TRAF3IP1: variants seen among roughly 807,000 people sequenced by gnomAD.
TRAF3IP1 encodes TRAF3-interacting protein 1.
Under a neutral mutation model 89.9 loss-of-function variants are expected in TRAF3IP1, and 53 were observed. That is an observed-to-expected ratio of 0.59 (90% confidence interval 0.47 to 0.74). The LOEUF (loss-of-function observed/expected upper bound fraction) is 0.74. TRAF3IP1 is among the 30% of genes least tolerant of loss of function. The pLI is 0.00. For missense variants in TRAF3IP1, 806 were observed against 866.1 expected, an observed-to-expected ratio of 0.93 and a Z score of 0.87; for synonymous variants, 311 against 322.1, an observed-to-expected ratio of 0.97 and a Z score of 0.37.
At chr2:238,334,066 A>G in intron 7 of TRAF3IP1, 31 bp downstream of exon 7, 1 of 1,489,706 alleles carries the variant, frequency 6.7e-7, no homozygotes, top group East Asian at 2.3e-5. Context: ...GTAGCTGAAA[A>G]TATGGATATT....
rs192248594 is a variant in TRAF3IP1, at chr2:238,334,919, T to C, written c.1063+884T>C. ...CTTCACCCCACACCTTCTCCAGTGT[T>C]GTTAAGGCATGCTGATTTTGATGGA... is the stretch of plus-strand genomic sequence containing the variant. On this transcript the variant is annotated intron_variant, in intron 7 of 16. Transcript: ENST00000373327. Among the ~76,000 whole-genome samples the C allele has an allele frequency of 2.4e-3, 365 of 152,282 alleles. 1 individual carries two copies. Among genetic ancestry groups the C allele is most frequent in the Non-Finnish European group, 3.7e-3 (252 of 68,018 alleles).
chr2:238,392,795 C>T (rs1171148460), intron 15 of TRAF3IP1, among the ~76,000 whole-genome samples: 3 of 152,184 alleles, frequency 2.0e-5, no homozygotes, highest in East Asian at 1.9e-4. Context: ...AGGCTGGTCT[C>T]GAACTCCTGA....
intron 15 of TRAF3IP1, among the ~76,000 whole-genome samples, chr2:238,372,240 C>T (rs1023704391): frequency 6.6e-6 from 1 of 152,144 alleles, no homozygotes; most frequent in African/African-American, 2.4e-5. Context: ...ATCAACTCGT[C>T]ATTTACATTA....
intron 3 of TRAF3IP1, among the ~76,000 whole-genome samples, chr2:238,326,277 C>A (rs1403849389): frequency 1.3e-5 from 2 of 152,242 alleles, no homozygotes; most frequent in Admixed American, 6.5e-5. Context: ...CCCAGGCTTC[C>A]ATGCCCTCTG....
At chr2:238,332,748 G>A (rs1383158671) in intron 5 of TRAF3IP1, 76 bp from the exon 6 acceptor site, 1 of 1,135,930 alleles carries the variant, frequency 8.8e-7, no homozygotes, top group South Asian at 1.3e-5. Flanking sequence ...CAGTGTTATA[G>A]AAAATATCTT....
rs1574987766 is a variant in TRAF3IP1, at chr2:238,398,981, A to T, written c.*62A>T. 13 of 1,427,782 alleles carry T rather than the reference A, an allele frequency of 9.1e-6. No individual in the cohort carries two copies. The highest frequency in any genetic ancestry group is 1.1e-5 in the Non-Finnish European group (12 of 1,051,840). The allele number at this position is 1,427,782 out of a possible 1,614,324, so 88.4% of individuals were successfully genotyped here. On this transcript the variant is annotated 3_prime_UTR_variant, in exon 17 of 17. Coordinates refer to ENST00000373327, the MANE Select transcript of TRAF3IP1 (RefSeq NM_015650.4). ...TTTAAAAGCAAAAAGGAAGATAGAAAATCATTACTCTTTTAAGTTCCAGTT... is the reference window on the plus strand; with the variant it reads ...TTTAAAAGCAAAAAGGAAGATAGAATATCATTACTCTTTTAAGTTCCAGTT...
At chr2:238,347,653 GT>G (rs1304782298) in intron 10 of TRAF3IP1, among the ~76,000 whole-genome samples, 178 bp downstream of exon 10, 1 of 152,022 alleles carries the variant, frequency 6.6e-6, no homozygotes, top group African/African-American at 2.4e-5. Flanking sequence ...TTGAGATGGA[GT>G]TTCACTCTTG....
intron 9 of TRAF3IP1, 91 bp from the exon 10 acceptor site, chr2:238,347,364 C>T (rs760281895): frequency 1.0e-4 from 138 of 1,342,218 alleles, no homozygotes; most frequent in South Asian, 4.4e-4. Context: ...AAATTATGTA[C>T]AGTGTGTTTT....
In TRAF3IP1 at chr2:238,351,311, C is replaced by G. The variant is rs992335089; in HGVS notation, c.1452-1516C>G. ...CGGGTCCAGGAGGACTGGGTGGGAC[C>G]ATGGGTTGGCAGCTGATGGCAGCAA... On this transcript the variant is annotated intron_variant, in intron 12 of 16. Transcript: ENST00000373327. The surrounding 1 kb of genome is among the most constrained non-coding windows in gnomAD (Gnocchi z 5.2). Among the ~76,000 whole-genome samples the G allele has an allele frequency of 1.3e-5, 2 of 151,814 alleles. No individual in the cohort carries two copies. Among genetic ancestry groups the G allele is most frequent in the Non-Finnish European group, 2.9e-5 (2 of 67,930 alleles).
intron 8 of TRAF3IP1, among the ~76,000 whole-genome samples, chr2:238,342,896 G>A (rs897279654): frequency 1.3e-5 from 2 of 152,186 alleles, no homozygotes; most frequent in African/African-American, 4.8e-5. Context: ...ATGTCAGGTT[G>A]ATTCTGATGT....
intron 15 of TRAF3IP1, among the ~76,000 whole-genome samples, chr2:238,362,484 A>G (rs1699704114): frequency 6.6e-6 from 1 of 152,034 alleles, no homozygotes; most frequent in Non-Finnish European, 1.5e-5. Flanking sequence ...TCATTCCTCC[A>G]CAGCATGATG....
In TRAF3IP1 at chr2:238,379,044, G is replaced by T. The variant is rs781055729; in HGVS notation, c.1690-18415G>T. On this transcript the variant is annotated intron_variant, in intron 15 of 16. Coordinates refer to ENST00000373327, the MANE Select transcript of TRAF3IP1 (RefSeq NM_015650.4). The surrounding 1 kb of genome is among the most constrained non-coding windows in gnomAD (Gnocchi z 4.0). ...CCTCAGGCAGCCTGGCGCTGATGCT[G>T]ATGCAGCCGCCCTGTGTCAGGTGCT... Among the ~76,000 whole-genome samples, 7 of 152,216 alleles carry T rather than the reference G, an allele frequency of 4.6e-5. No individual in the cohort carries two copies. Among genetic ancestry groups the T allele is most frequent in the Non-Finnish European group, 7.3e-5 (5 of 68,036 alleles).
rs1396703217 is a variant in TRAF3IP1, at chr2:238,344,579, C to A, written c.1242C>A (p.Asn414Lys). 6.2e-7 allele frequency: 1 copy of A among 1,614,128 alleles called. No homozygotes were observed. Among genetic ancestry groups the A allele is most frequent in the Non-Finnish European group, 8.5e-7 (1 of 1,179,964 alleles). The stretch of plus-strand genomic sequence containing the variant: ...TGCGGTGTGAGAATATTCAGCCCAA[C>A]CCCACAGAGAAGCAGAAAGGTAAGA... The part of the protein sequence containing the change: ...ASLRCENIQP[N>K]PTEKQKGDST... The change falls in exon 9 of 17, where the codon AAC becomes AAA. Residue 414 changes from asparagine (N) to lysine (K), a missense_variant. Around this residue, in one of 3 missense-constraint regions of TRAF3IP1, gnomAD observed 732 missense variants for 780.5 expected, o/e 0.94. Coordinates refer to ENST00000373327, the MANE Select transcript of TRAF3IP1 (RefSeq NM_015650.4).
chr2:238,348,767 G>A lies in TRAF3IP1; in HGVS notation c.1286G>A (p.Gly429Glu), dbSNP rs1348285148. The A allele has an allele frequency of 1.2e-6, 2 of 1,613,956 alleles. No homozygotes were observed. The highest frequency in any genetic ancestry group is 3.3e-5 in the Admixed American group (2 of 60,014). ...QKGDSTSDAE[G>E]DAGPAGQDKS... is the part of the protein sequence containing the mutation. ...TAATTGATTGTCATTTGTTTAGAAG[G>A]AGATGCTGGACCTGCTGGCCAAGAT... is the stretch of plus-strand genomic sequence containing the variant. Residue 429 changes from glycine (G) to glutamate (E), a missense_variant, in exon 11 of 17, where the codon GGA (glycine) becomes GAA (glutamate). By Grantham distance (98) the Gly-to-Glu change is moderately conservative (BLOSUM62 -2). Coordinates refer to ENST00000373327, the MANE Select transcript of TRAF3IP1 (RefSeq NM_015650.4).
In TRAF3IP1 at chr2:238,322,006, C is replaced by T. The variant is rs139470426; in HGVS notation, c.123+1221C>T. On this transcript the variant is annotated intron_variant, in intron 1 of 16. Coordinates refer to ENST00000373327, the MANE Select transcript of TRAF3IP1 (RefSeq NM_015650.4). ...CTAAAAATGCTCTCGAATCCACCCA[C>T]ATCCCAGGGCCTCGCCAGCCCTGGT... 1.0e-3 allele frequency among the ~76,000 whole-genome samples: 154 copies of T among 152,350 alleles called. 2 individuals are homozygous for T. The highest frequency in any genetic ancestry group is 3.5e-3 in the African/African-American group (145 of 41,580).
In TRAF3IP1 at chr2:238,399,074, A is replaced by T; in HGVS notation, c.*155A>T. ...TTTTCAGAGCTTTAAAACTGTAAGCATGTTAAGTGTATTAAAAAAACCATG... is the reference window on the plus strand; with the variant it reads ...TTTTCAGAGCTTTAAAACTGTAAGCTTGTTAAGTGTATTAAAAAAACCATG... On this transcript the variant is annotated 3_prime_UTR_variant, in exon 17 of 17. Coordinates refer to ENST00000373327, the MANE Select transcript of TRAF3IP1 (RefSeq NM_015650.4). 1 of 655,738 alleles carries T rather than the reference A, an allele frequency of 1.5e-6. No homozygotes were observed. The highest frequency in any genetic ancestry group is 2.4e-6 in the Non-Finnish European group (1 of 410,828). 40.6% of individuals were successfully genotyped at this position (655,738 alleles called of 1,614,324 possible).
At position 238,328,678 on chromosome 2, in the gene TRAF3IP1, A is replaced by T. The variant is rs2106363179; in HGVS notation, c.355-8A>T. 6.2e-7 allele frequency: 1 copy of T among 1,610,826 alleles called. No homozygotes were observed. The highest frequency in any genetic ancestry group is 2.2e-5 in the East Asian group (1 of 44,832). ...TAACACCTCATTTCCTTCCATTTGG[A>T]CGACAAGCTCTCTAGTGACGATGCG... On this transcript the variant is annotated splice_region_variant and splice_polypyrimidine_tract_variant and intron_variant, in intron 3 of 16. Transcript: ENST00000373327.
intron 15 of TRAF3IP1, among the ~76,000 whole-genome samples, chr2:238,360,365 A>G (rs1021449121): frequency 2.0e-5 from 3 of 152,114 alleles, no homozygotes; most frequent in Admixed American, 6.5e-5. Context: ...TATGGCTCAC[A>G]CCTGTAATCC....
chr2:238,373,129 T>C (rs955849406), intron 15 of TRAF3IP1, among the ~76,000 whole-genome samples: 2 of 152,238 alleles, frequency 1.3e-5, no homozygotes, highest in African/African-American at 4.8e-5. Context: ...AGAAACTCTT[T>C]AGTTTAATTA....
Sources: gnomAD v4.1 joint callset for allele counts (sites outside exome capture counted in the v4.1 genomes callset) on GRCh38, gnomAD v4.1.1 for gene constraint, gnomAD v4.1.1 regional missense constraint, Gnocchi (gnomAD v3.1) non-coding constraint, MANE v1.5 for transcripts, NCBI Gene and HGNC (gene_info 2026-07-23, HGNC 2026-07-21) for gene names.